COL11A2: variants seen among roughly 807,000 people sequenced by gnomAD.
COL11A2 encodes the protein collagen type XI alpha 2 chain, also known as collagen alpha-2(XI) chain.
COL11A2 carries 116 observed loss-of-function variants against 273.4 expected under a neutral mutation model. The observed-to-expected ratio is 0.42, with a 90% confidence interval of 0.36 to 0.49. The LOEUF (loss-of-function observed/expected upper bound fraction) is 0.49. Among genes scored for constraint, COL11A2 ranks in the 20% least tolerant of loss-of-function variants. COL11A2 has a pLI of 0.00. For synonymous variants in COL11A2, 782 were observed against 864.2 expected (o/e 0.90, Z 1.67); for missense variants, 1,866 against 2,309.0 (o/e 0.81, Z 3.93).
chr6:33,171,780 G>C lies in COL11A2; in HGVS notation c.3083C>G (p.Pro1028Arg), dbSNP rs549544364. 3.7e-6 allele frequency: 6 copies of C among 1,612,942 alleles called. No homozygotes were observed. The highest frequency in any genetic ancestry group is 5.1e-6 in the Non-Finnish European group (6 of 1,179,964). The part of the protein sequence containing the change: ...GERGAAGSGG[P>R]IGPPGRPGPQ... ...GCCTGGGCGCCCTGGCGGACCAATG[G>C]GTCCCCCTGATCCTGCTGCACCTCG... is the stretch of plus-strand genomic sequence containing the variant. Residue 1028 changes from proline to arginine, a missense_variant, in exon 42 of 66, where the codon CCC becomes CGC. Transcript: ENST00000341947.
At position 33,170,366 on chromosome 6, in the gene COL11A2, G is replaced by A. The variant is rs776744859; in HGVS notation, c.3542C>T (p.Pro1181Leu). 1 of 1,613,942 alleles carries A rather than the reference G, an allele frequency of 6.2e-7. No individual in the cohort carries two copies. Among genetic ancestry groups the A allele is most frequent in the Non-Finnish European group, 8.5e-7 (1 of 1,179,956 alleles). The change falls in exon 48 of 66, where the codon CCC becomes CTC. Residue 1181 changes from proline (P) to leucine (L), a missense_variant. Coordinates refer to ENST00000341947, the MANE Select transcript of COL11A2 (RefSeq NM_080680.3). The surrounding 1 kb of genome is among the most constrained non-coding windows in gnomAD (Gnocchi z 4.3). ...TCCAGCTGGACCTCGAGGTCCTGGG[G>A]GGCCAGGTGGTCCCTGGGGGAAACA... The part of the protein sequence containing the change: ...GDVGPMGPPG[P>L]PGPRGPAGPN...
rs1771057164 is a variant in COL11A2, at chr6:33,177,280, C to T, written c.1972-55G>A. On this transcript the variant is annotated intron_variant, in intron 23 of 65. Coordinates refer to ENST00000341947, the MANE Select transcript of COL11A2 (RefSeq NM_080680.3). This position sits in a 1 kb window ranked among gnomAD's most constrained non-coding sequence, Gnocchi z 5.9. Reference sequence around the variant, plus strand: ...GCCTCCCAGGGTCTCTTCTATCCAGCCTCCCGGATTCAAAGCATGAGCAAC... The same window carrying T: ...GCCTCCCAGGGTCTCTTCTATCCAGTCTCCCGGATTCAAAGCATGAGCAAC... 2 of 1,609,420 alleles carry T rather than the reference C, an allele frequency of 1.2e-6. No homozygotes were observed. Among genetic ancestry groups the T allele is most frequent in the Non-Finnish European group, 1.7e-6 (2 of 1,177,212 alleles).
Position 33,163,464 on chromosome 6 carries a change from G to A in COL11A2, c.*214C>T, listed in dbSNP as rs1006424007. On this transcript the variant is annotated 3_prime_UTR_variant, in exon 66 of 66. Transcript: ENST00000341947. This position sits in a 1 kb window ranked among gnomAD's most constrained non-coding sequence, Gnocchi z 4.1. ...CTCTAACGGGTAACAGGCTCCAGGT[G>A]GGAGGGCCAAGAGCCCCAGATGCCA... The A allele has an allele frequency of 1.7e-5, 11 of 637,008 alleles. No individual in the cohort carries two copies. Among genetic ancestry groups the A allele is most frequent in the African/African-American group, 7.3e-5 (4 of 54,454 alleles). The allele number at this position is 637,008 out of a possible 1,614,324, so 39.5% of individuals were successfully genotyped here. A position where few individuals can be genotyped will look rare whatever the true frequency, so the allele number is the denominator to read the frequency against.
intron 8 of COL11A2, among the ~76,000 whole-genome samples, chr6:33,183,264 A>G (rs1771953174): frequency 6.6e-6 from 1 of 152,246 alleles, no homozygotes; most frequent in Admixed American, 6.5e-5. Context: ...CATGGCTAGA[A>G]AACAAACTGG....
rs1340800028 is a variant in COL11A2, at chr6:33,165,901, C to T, written c.4482+30G>A. 1.2e-5 allele frequency: 19 copies of T among 1,613,514 alleles called. No individual in the cohort carries two copies. Among genetic ancestry groups the T allele is most frequent in the Non-Finnish European group, 1.6e-5 (19 of 1,179,976 alleles). ...GCAGCAGTGGAGCAGAGGGGTACGG[C>T]CCTGGGAGCAGCCCTGACTCCTCAC... is the stretch of plus-strand genomic sequence containing the variant. On this transcript the variant is annotated intron_variant, in intron 62 of 65. Coordinates refer to ENST00000341947, the MANE Select transcript of COL11A2 (RefSeq NM_080680.3). This position sits in a 1 kb window ranked among gnomAD's most constrained non-coding sequence, Gnocchi z 7.7.
At position 33,177,606 on chromosome 6, in the gene COL11A2, C is replaced by T; in HGVS notation, c.1917+56G>A. 1 of 1,602,560 alleles carries T rather than the reference C, an allele frequency of 6.2e-7. No homozygotes were observed. The highest frequency in any genetic ancestry group is 1.1e-5 in the South Asian group (1 of 90,816). On this transcript the variant is annotated intron_variant, in intron 22 of 65. Coordinates refer to ENST00000341947, the MANE Select transcript of COL11A2 (RefSeq NM_080680.3). This position sits in a 1 kb window ranked among gnomAD's most constrained non-coding sequence, Gnocchi z 5.9. Reference sequence around the variant, plus strand: ...GGTCAAAATGGCGGCCAACAGGATGCTGGCAGGGACCTCGGGGGATAAGAA... The same window carrying T: ...GGTCAAAATGGCGGCCAACAGGATGTTGGCAGGGACCTCGGGGGATAAGAA...
rs1397886781 is a variant in COL11A2, at chr6:33,173,164, G to A, written c.2737-51C>T. 5.7e-6 allele frequency: 9 copies of A among 1,584,284 alleles called. No individual in the cohort carries two copies. Among genetic ancestry groups the A allele is most frequent in the African/African-American group, 1.3e-5 (1 of 74,342 alleles). ...AGTGAAAGCAGGTGTGGGCGCTGTG[G>A]GGCAGATTCCCAGGAGGAAGGATCC... is the stretch of plus-strand genomic sequence containing the variant. On this transcript the variant is annotated intron_variant, in intron 37 of 65. Coordinates refer to ENST00000341947, the MANE Select transcript of COL11A2 (RefSeq NM_080680.3). The surrounding 1 kb of genome is among the most constrained non-coding windows in gnomAD (Gnocchi z 6.3).
chr6:33,184,414 G>A (rs1471133578), intron 7 of COL11A2, 90 bp from the exon 8 acceptor site: 1 of 916,184 alleles, frequency 1.1e-6, no homozygotes, highest in Non-Finnish European at 1.5e-6. Context: ...ACAACTTCTA[G>A]CCCAAAGGAT....
Position 33,165,353 on chromosome 6 carries a change from T to TG in COL11A2, c.4750+195dup, listed in dbSNP as rs1364756352. Among the ~76,000 whole-genome samples, 1 of 152,160 alleles carries TG rather than the reference T, an allele frequency of 6.6e-6. No individual in the cohort carries two copies. Among genetic ancestry groups the TG allele is most frequent in the African/African-American group, 2.4e-5 (1 of 41,430 alleles). On this transcript the variant is annotated intron_variant, in intron 63 of 65. Transcript: ENST00000341947. This position sits in a 1 kb window ranked among gnomAD's most constrained non-coding sequence, Gnocchi z 7.7. ...TGCAGACACTGGGCTGATAACCAAC[T>TG]GGTACACACTGACCCAGATCAGTTG...
intron 4 of COL11A2, 59 bp downstream of exon 4, chr6:33,188,303 G>T (rs1772662650): frequency 1.3e-6 from 2 of 1,594,624 alleles, no homozygotes. Context: ...GGGCCAGAAG[G>T]GTAGTGGGCA....
At chr6:33,188,946 G>T in intron 3 of COL11A2, 32 bp downstream of exon 3, 1 of 1,611,502 alleles carries the variant, frequency 6.2e-7, no homozygotes, top group South Asian at 1.1e-5. Context: ...GAAAGTGTGG[G>T]CCAGGCAGAC....
Position 33,170,055 on chromosome 6 carries a change from C to T in COL11A2, c.3628G>A (p.Gly1210Arg). The change falls in exon 49 of 66, where the codon GGA becomes AGA. Residue 1210 changes from glycine (G) to arginine (R), a missense_variant. Gly to Arg is a moderately radical substitution (Grantham distance 125). Transcript: ENST00000341947. The surrounding 1 kb of genome is among the most constrained non-coding windows in gnomAD (Gnocchi z 4.3). Reference protein sequence around the residue: ...PGGVGNLGPPGEKGEPGESGS... With the variant: ...PGGVGNLGPPREKGEPGESGS... ...ACCCCCTTCCCAGTTACCTTCTCTCCAGGGGGACCCAGGTTCCCAACACCT... is the reference window on the plus strand; with the variant it reads ...ACCCCCTTCCCAGTTACCTTCTCTCTAGGGGGACCCAGGTTCCCAACACCT... 6.2e-7 allele frequency: 1 copy of T among 1,613,084 alleles called. No homozygotes were observed. The highest frequency in any genetic ancestry group is 8.5e-7 in the Non-Finnish European group (1 of 1,180,018).
At position 33,181,165 on chromosome 6, in the gene COL11A2, G is replaced by A; in HGVS notation, c.1125C>T (p.Ala375=). 4 of 1,614,162 alleles carry A rather than the reference G, an allele frequency of 2.5e-6. No homozygotes were observed. The highest frequency in any genetic ancestry group is 3.4e-6 in the Non-Finnish European group (4 of 1,180,050). Residue 375 remains alanine (A), a synonymous_variant, in exon 9 of 66, where the codon GCC becomes GCT. Coordinates refer to ENST00000341947, the MANE Select transcript of COL11A2 (RefSeq NM_080680.3). ...SAETAHSGAA[A]HGPRGLKGEK... is the part of the protein sequence containing the mutation. ...CTCCCTTCAGCCCTCGGGGTCCATGGGCAGCCTGAAGGAGACACACATGTA... is the reference window on the plus strand; with the variant it reads ...CTCCCTTCAGCCCTCGGGGTCCATGAGCAGCCTGAAGGAGACACACATGTA...
In COL11A2 at chr6:33,190,793, C is replaced by T. The variant is rs959348814; in HGVS notation, c.83-1324G>A. Among the ~76,000 whole-genome samples, 3 of 152,158 alleles carry T rather than the reference C, an allele frequency of 2.0e-5. No individual in the cohort carries two copies. Among genetic ancestry groups the T allele is most frequent in the Admixed American group, 6.5e-5 (1 of 15,278 alleles). On this transcript the variant is annotated intron_variant, in intron 1 of 65. Coordinates refer to ENST00000341947, the MANE Select transcript of COL11A2 (RefSeq NM_080680.3). The surrounding 1 kb of genome is among the most constrained non-coding windows in gnomAD (Gnocchi z 4.5). ...TGAGTGAGACAGAGACACAGAGACT[C>T]ACAGAGACCCCAGGCCAAGGAGACC...
chr6:33,170,429 A>G lies in COL11A2; in HGVS notation c.3529-50T>C, dbSNP rs200420288. On this transcript the variant is annotated intron_variant, in intron 47 of 65. Coordinates refer to ENST00000341947, the MANE Select transcript of COL11A2 (RefSeq NM_080680.3). This position sits in a 1 kb window ranked among gnomAD's most constrained non-coding sequence, Gnocchi z 4.3. ...ATGAGGAAGGGAAGTGAGATGGCTG[A>G]GCATGAATGGTGGAGAGAGGAGGAG... The G allele has an allele frequency of 1.1e-4, 183 of 1,598,888 alleles. No individual in the cohort carries two copies. In the East Asian group the frequency reaches 3.8e-3, roughly 33 times the overall value.
At position 33,180,218 on chromosome 6, in the gene COL11A2, T is replaced by G. The variant is rs370297319; in HGVS notation, c.1359+40A>C. 1.9e-6 allele frequency: 3 copies of G among 1,580,966 alleles called. No homozygotes were observed. The African/African-American group carries it at 4.0e-5, about 21-fold the overall frequency. ...TGGTAACATGACACAATTCCTTGTC[T>G]TCCCCATCAGCATGTTCCAAAACCC... is the stretch of plus-strand genomic sequence containing the variant. On this transcript the variant is annotated intron_variant, in intron 12 of 65. Coordinates refer to ENST00000341947, the MANE Select transcript of COL11A2 (RefSeq NM_080680.3).
chr6:33,183,125 T>A (rs1158815535), intron 8 of COL11A2, among the ~76,000 whole-genome samples: 1 of 150,688 alleles, frequency 6.6e-6, no homozygotes, highest in East Asian at 1.9e-4. Flanking sequence ...CGGAGCGGAG[T>A]AGACAGGAAG....
chr6:33,176,402 C>T lies in COL11A2; in HGVS notation c.2169+31G>A. On this transcript the variant is annotated intron_variant, in intron 27 of 65. Transcript: ENST00000341947. This position sits in a 1 kb window ranked among gnomAD's most constrained non-coding sequence, Gnocchi z 4.9. ...CCCCATATAGCTCCCCTGACCACAGCCCTTTGTCTCCCAGCCTGGTGGTCA... is the reference window on the plus strand; with the variant it reads ...CCCCATATAGCTCCCCTGACCACAGTCCTTTGTCTCCCAGCCTGGTGGTCA... The T allele has an allele frequency of 6.2e-7, 1 of 1,610,986 alleles. No homozygotes were observed. Among genetic ancestry groups the T allele is most frequent in the Non-Finnish European group, 8.5e-7 (1 of 1,178,992 alleles).
At chr6:33,186,401 G>A (rs1220589171) in intron 5 of COL11A2, 6 of 1,427,462 alleles carry the variant, frequency 4.2e-6, no homozygotes, top group Non-Finnish European at 5.5e-6. Context: ...CAGGAAGACT[G>A]GAAGAGGAGA....
Sources: gnomAD v4.1 joint callset for allele counts (sites outside exome capture counted in the v4.1 genomes callset) on GRCh38, gnomAD v4.1.1 for gene constraint, Gnocchi (gnomAD v3.1) non-coding constraint, MANE v1.5 for transcripts, NCBI Gene and HGNC (gene_info 2026-07-23, HGNC 2026-07-21) for gene names.